The following PTPRG variants were observed in gnomAD, a reference collection of about 807,000 sequenced individuals.
PTPRG encodes protein tyrosine phosphatase receptor type G.
In PTPRG, 102 loss-of-function variants were observed where a neutral mutation model predicts 165.3. The ratio of observed to expected loss-of-function variants is 0.62; its 90% CI spans 0.53 to 0.73. The LOEUF is 0.73. Among genes scored for constraint, PTPRG ranks in the 30% least tolerant of loss-of-function variants. PTPRG has a pLI of 0.00. For missense variants in PTPRG, 1,866 were observed against 1,861.4 expected, an observed-to-expected ratio of 1.00 and a Z score of -0.05; for synonymous variants, 675 against 669.5, an observed-to-expected ratio of 1.01 and a Z score of -0.13.
intron 2 of PTPRG, among the ~76,000 whole-genome samples, chr3:61,962,109 A>T (rs2040166078): frequency 6.6e-6 from 1 of 152,096 alleles, no homozygotes. Flanking sequence ...AATATATCTG[A>T]CACCTTAAGC....
intron 4 of PTPRG, among the ~76,000 whole-genome samples, chr3:62,074,352 C>CTTTCTTTCTTTT (rs1701310935): frequency 5.5e-5 from 6 of 109,114 alleles, no homozygotes; most frequent in African/African-American, 2.3e-4. Flanking sequence ...TCTTTTCTTT[C>CTTTCTTTCTTTT]TTTTTTTTTT....
intron 1 of PTPRG, among the ~76,000 whole-genome samples, chr3:61,730,466 C>T (rs1194213970): frequency 1.3e-5 from 2 of 152,138 alleles, no homozygotes; most frequent in Non-Finnish European, 2.9e-5. Flanking sequence ...CCATTAACAG[C>T]GGAGGTTCAT....
intron 2 of PTPRG, among the ~76,000 whole-genome samples, chr3:61,899,459 G>A (rs927278637): frequency 1.2e-4 from 19 of 152,190 alleles, no homozygotes; most frequent in African/African-American, 4.6e-4. Flanking sequence ...GTGAAAACTT[G>A]TGCCTTGAAA....
At chr3:61,648,514 A>G (rs867492151) in intron 1 of PTPRG, among the ~76,000 whole-genome samples, 14 of 152,358 alleles carry the variant, frequency 9.2e-5, no homozygotes, top group Middle Eastern at 3.4e-3. Flanking sequence ...ACATCTTGAA[A>G]TACCTCAGTT....
chr3:61,918,940 A>T (rs2039008342), intron 2 of PTPRG, among the ~76,000 whole-genome samples: 1 of 152,068 alleles, frequency 6.6e-6, no homozygotes, highest in Non-Finnish European at 1.5e-5. Context: ...TCCCTTTGTA[A>T]ATGCTGTTAA....
At chr3:61,626,758 A>C (rs1701620523) in intron 1 of PTPRG, among the ~76,000 whole-genome samples, 1 of 152,220 alleles carries the variant, frequency 6.6e-6, no homozygotes, top group African/African-American at 2.4e-5. Flanking sequence ...GCTGGTTGGC[A>C]GATTATTAAA....
chr3:61,808,242 G>T (rs1459179957), intron 2 of PTPRG, among the ~76,000 whole-genome samples: 1 of 152,154 alleles, frequency 6.6e-6, no homozygotes, highest in South Asian at 2.1e-4. Context: ...GAAACTAGGA[G>T]AAAACCCTCC....
chr3:61,908,830 A>T (rs891293310), intron 2 of PTPRG, among the ~76,000 whole-genome samples: 1 of 152,214 alleles, frequency 6.6e-6, no homozygotes. Context: ...GTTAGGGCTT[A>T]GGCTTAACAC....
chr3:61,801,052 C>A (rs1333050035), intron 2 of PTPRG, among the ~76,000 whole-genome samples: 1 of 152,124 alleles, frequency 6.6e-6, no homozygotes, highest in Non-Finnish European at 1.5e-5. Context: ...CACCGCCTGC[C>A]GTAGCTTCCC....
At chr3:61,587,820 C>G (rs1457935173) in intron 1 of PTPRG, among the ~76,000 whole-genome samples, 1 of 151,978 alleles carries the variant, frequency 6.6e-6, no homozygotes, top group Admixed American at 6.6e-5. Flanking sequence ...CCATGTCCAG[C>G]TAGTTTTTAA....
intron 8 of PTPRG, 105 bp downstream of exon 8, chr3:62,168,268 A>C: frequency 9.2e-7 from 1 of 1,091,778 alleles, no homozygotes; most frequent in Non-Finnish European, 1.3e-6. Context: ...TTGGTGTTAA[A>C]TGCATATGTT....
chr3:62,104,111 C>A (rs564274609), intron 5 of PTPRG, among the ~76,000 whole-genome samples: 1 of 152,298 alleles, frequency 6.6e-6, no homozygotes, highest in Admixed American at 6.5e-5. Flanking sequence ...GCTCTACTTG[C>A]TTTACTTCCT....
intron 2 of PTPRG, among the ~76,000 whole-genome samples, chr3:61,905,841 T>G (rs1242660600): frequency 6.6e-6 from 1 of 152,236 alleles, no homozygotes; most frequent in East Asian, 1.9e-4. Context: ...TCCATTTAAC[T>G]TCCCAAAATA....
At chr3:61,882,587 C>T (rs1216514553) in intron 2 of PTPRG, among the ~76,000 whole-genome samples, 1 of 152,128 alleles carries the variant, frequency 6.6e-6, no homozygotes, top group East Asian at 1.9e-4. Context: ...AAAAGTCCTG[C>T]ATACTTCCAT....
At chr3:61,659,569 C>CT in intron 1 of PTPRG, 1 of 557,216 alleles carries the variant, frequency 1.8e-6, no homozygotes, top group Non-Finnish European at 2.3e-6. Context: ...TCTTGGTAAC[C>CT]TTTGAGTGTC....
At chr3:61,919,971 A>G (rs949185577) in intron 2 of PTPRG, among the ~76,000 whole-genome samples, 7 of 152,198 alleles carry the variant, frequency 4.6e-5, no homozygotes, top group African/African-American at 1.7e-4. Flanking sequence ...AAATCATTAT[A>G]TGATGGTATC....
In PTPRG at chr3:61,937,518, C is replaced by T. The variant is rs185740301; in HGVS notation, c.191-52107C>T. Among the ~76,000 whole-genome samples the T allele has an allele frequency of 3.3e-5, 5 of 152,334 alleles. No individual in the cohort carries two copies. The East Asian group carries it at 9.6e-4, about 29-fold the overall frequency. The stretch of plus-strand genomic sequence containing the variant: ...AATACCCTTCATTGAGGATTTAAGG[C>T]TGATCGTATTTTCATTATTTAGAAC... On this transcript the variant is annotated intron_variant, in intron 2 of 29. Coordinates refer to ENST00000474889, the MANE Select transcript of PTPRG (RefSeq NM_002841.4).
At chr3:61,706,452 T>C (rs2031263104) in intron 1 of PTPRG, among the ~76,000 whole-genome samples, 1 of 151,974 alleles carries the variant, frequency 6.6e-6, no homozygotes, top group Admixed American at 6.6e-5. Flanking sequence ...TGACATTAAC[T>C]CATTTTCTTT....
intron 1 of PTPRG, among the ~76,000 whole-genome samples, chr3:61,680,734 A>G (rs1444636458): frequency 1.5e-5 from 2 of 131,818 alleles, no homozygotes; most frequent in African/African-American, 5.2e-5. Flanking sequence ...GTTTCTGGTT[A>G]TCAGGTGTGG....
Sources: allele counts gnomAD v4.1 joint callset (sites outside exome capture counted in the v4.1 genomes callset), GRCh38; gene constraint gnomAD v4.1.1; transcripts MANE v1.5; gene names NCBI Gene and HGNC (gene_info 2026-07-23, HGNC 2026-07-21).